The following FGF10 variants were observed in gnomAD, a reference collection of about 807,000 sequenced individuals.
FGF10 encodes FGF-10.
In FGF10, 2 loss-of-function variants were observed where a neutral mutation model predicts 19.8. The observed-to-expected ratio is 0.10, with a 90% CI of 0.04 to 0.32. The LOEUF (loss-of-function observed/expected upper bound fraction) is 0.32, where lower values mean the gene tolerates loss of function less well. FGF10 is among the 10% of genes least tolerant of loss of function. FGF10 has a pLI of 1.00. For synonymous variants in FGF10, 112 were observed against 94.0 expected (o/e 1.19, Z -1.10); for missense variants, 191 against 246.3 (o/e 0.78, Z 1.50).
chr5:44,381,691 C>T (rs1229628465), intron 1 of FGF10, among the ~76,000 whole-genome samples: 1 of 152,150 alleles, frequency 6.6e-6, no homozygotes, highest in Admixed American at 6.5e-5. Flanking sequence ...GATGAAATAA[C>T]ATGTCTGCTT....
At chr5:44,347,760 C>A (rs114841303) in intron 1 of FGF10, among the ~76,000 whole-genome samples, 3,877 of 151,802 alleles carry the variant, frequency 0.026, 75 homozygotes, top group Non-Finnish European at 0.037. Flanking sequence ...GCTAATTAAA[C>A]TCATCTCATG....
At chr5:44,342,118 T>A (rs1360357891) in intron 1 of FGF10, among the ~76,000 whole-genome samples, 2 of 152,032 alleles carry the variant, frequency 1.3e-5, no homozygotes, top group Non-Finnish European at 2.9e-5. Context: ...TTATTCTCAG[T>A]CCATGCTACC....
At position 44,311,764 on chromosome 5, in the gene FGF10, C is replaced by T. The variant is rs151212571; in HGVS notation, c.326-1234G>A. On this transcript the variant is annotated intron_variant, in intron 1 of 2. Transcript: ENST00000264664. Reference sequence around the variant, plus strand: ...CATACAAATTCCCATTGGCTTAATACATGAAATCTGAAAGTTGAGCATATT... The same window carrying T: ...CATACAAATTCCCATTGGCTTAATATATGAAATCTGAAAGTTGAGCATATT... 2.2e-3 allele frequency among the ~76,000 whole-genome samples: 329 copies of T among 152,214 alleles called. 1 individual carries two copies. Among genetic ancestry groups the T allele is most frequent in the African/African-American group, 7.6e-3 (316 of 41,546 alleles).
chr5:44,357,614 T>C (rs976897592), intron 1 of FGF10, among the ~76,000 whole-genome samples: 3 of 151,408 alleles, frequency 2.0e-5, no homozygotes, highest in African/African-American at 7.3e-5. Context: ...GTCACATACC[T>C]CTTAAGTGGT....
At chr5:44,325,143 A>G (rs1359754068) in intron 1 of FGF10, among the ~76,000 whole-genome samples, 1 of 152,242 alleles carries the variant, frequency 6.6e-6, no homozygotes, top group Non-Finnish European at 1.5e-5. Flanking sequence ...AATGCTCATC[A>G]TCACTGGCCA....
chr5:44,316,343 TA>T (rs1470404863), intron 1 of FGF10, among the ~76,000 whole-genome samples: 33 of 152,162 alleles, frequency 2.2e-4, no homozygotes, highest in Admixed American at 2.0e-3. Context: ...GAGTGGGTGC[TA>T]AATATATATT....
intron 1 of FGF10, among the ~76,000 whole-genome samples, chr5:44,357,042 C>CA (rs889981582): frequency 1.2e-4 from 18 of 150,676 alleles, no homozygotes; most frequent in South Asian, 4.2e-4. Context: ...AAGATTATTA[C>CA]AAAAAAAATA....
intron 1 of FGF10, among the ~76,000 whole-genome samples, chr5:44,363,403 G>C (rs1241651777): frequency 1.3e-5 from 2 of 151,848 alleles, no homozygotes; most frequent in East Asian, 3.9e-4. Context: ...TACTTACAGT[G>C]AAGCAACAGG....
At chr5:44,312,195 TACACACACACAC>T (rs35763425) in intron 1 of FGF10, among the ~76,000 whole-genome samples, 1 of 150,266 alleles carries the variant, frequency 6.7e-6, no homozygotes, top group African/African-American at 2.4e-5. Context: ...TTCCCTAAGG[TACACACACACAC>T]ACACACACAC....
intron 1 of FGF10, among the ~76,000 whole-genome samples, chr5:44,311,164 T>C (rs1013231900): frequency 6.6e-6 from 1 of 151,934 alleles, no homozygotes; most frequent in African/African-American, 2.4e-5. Flanking sequence ...TCCATAAACA[T>C]GGATTTTTAA....
At chr5:44,323,040 C>T (rs763674088) in intron 1 of FGF10, among the ~76,000 whole-genome samples, 9 of 152,014 alleles carry the variant, frequency 5.9e-5, no homozygotes, top group Non-Finnish European at 1.3e-4. Flanking sequence ...TTGGCTTCTG[C>T]TGTAAAGGAG....
chr5:44,328,675 T>G (rs1349721394), intron 1 of FGF10, among the ~76,000 whole-genome samples: 5 of 152,074 alleles, frequency 3.3e-5, no homozygotes, highest in Admixed American at 2.0e-4. Flanking sequence ...GGTAGGAAAA[T>G]CACTTGAGCC....
intron 1 of FGF10, among the ~76,000 whole-genome samples, chr5:44,373,285 G>A (rs527997208): frequency 6.6e-6 from 1 of 152,130 alleles, no homozygotes; most frequent in African/African-American, 2.4e-5. Context: ...TCATAAGGTT[G>A]TCTAGTCGTA....
chr5:44,310,386 G>A, intron 2 of FGF10, 41 bp downstream of exon 2: 1 of 1,375,792 alleles, frequency 7.3e-7, no homozygotes, highest in Non-Finnish European at 1.0e-6. Context: ...TATGGTAATG[G>A]TTTACTGGAG....
chr5:44,369,644 T>C (rs937364277), intron 1 of FGF10, among the ~76,000 whole-genome samples: 9 of 152,082 alleles, frequency 5.9e-5, no homozygotes, highest in Non-Finnish European at 1.2e-4. Context: ...CCTCCAGCTT[T>C]AGCACACACG....
At position 44,301,022 on chromosome 5, in the gene FGF10, T is replaced by A. The variant is rs904529535; in HGVS notation, c.*3973A>T. Among the ~76,000 whole-genome samples the A allele has an allele frequency of 3.3e-5, 5 of 152,108 alleles. No homozygotes were observed. The highest frequency in any genetic ancestry group is 1.2e-4 in the African/African-American group (5 of 41,446). ...AATGAAGGGTAACAGAAAATGAATG[T>A]CTGAGAAGAAGCAGATCTTCGTTAC... On this transcript the variant is annotated 3_prime_UTR_variant, in exon 3 of 3. Transcript: ENST00000264664.
At chr5:44,372,582 G>T (rs1442496248) in intron 1 of FGF10, among the ~76,000 whole-genome samples, 1 of 152,090 alleles carries the variant, frequency 6.6e-6, no homozygotes, top group African/African-American at 2.4e-5. Context: ...AGTAACAGCA[G>T]CTCAAAAATC....
chr5:44,384,630 T>G (rs982876049), intron 1 of FGF10, among the ~76,000 whole-genome samples: 1 of 152,122 alleles, frequency 6.6e-6, no homozygotes, highest in Non-Finnish European at 1.5e-5. Flanking sequence ...TGAATCCTGG[T>G]TCTGCCCATG....
chr5:44,310,281 C>A, intron 2 of FGF10, 146 bp downstream of exon 2: 1 of 658,000 alleles, frequency 1.5e-6, no homozygotes, highest in Non-Finnish European at 2.8e-6. Context: ...CTTTGCCAGC[C>A]CTTGAAACAG....
Sources: allele counts gnomAD v4.1 joint callset (sites outside exome capture counted in the v4.1 genomes callset), GRCh38; gene constraint gnomAD v4.1.1; transcripts MANE v1.5; gene names NCBI Gene and HGNC (gene_info 2026-07-23, HGNC 2026-07-21).